ULK4: variants seen among roughly 807,000 people sequenced by gnomAD.
ULK4 encodes inactive serine/threonine-protein kinase ULK4.
A neutral mutation model predicts 160.6 loss-of-function variants in ULK4; 133 were observed. The observed-to-expected ratio is 0.83, with a 90% CI of 0.72 to 0.96. The LOEUF is 0.96. Ranked by LOEUF, ULK4 falls within the 40% of genes least tolerant of loss-of-function variation. The pLI is 0.00. For synonymous variants in ULK4, 534 were observed against 539.8 expected (o/e 0.99, Z 0.15); for missense variants, 1,580 against 1,499.5 (o/e 1.05, Z -0.89).
At chr3:41,863,847 T>C (rs1716679) in intron 17 of ULK4, among the ~76,000 whole-genome samples, 46,991 of 150,916 alleles carry the variant, frequency 0.31, 10,689 homozygotes, top group African/African-American at 0.65. Context: ...CCCCACTCTT[T>C]CCTCTTCTCT....
At chr3:41,562,925 C>T (rs937144428) in intron 32 of ULK4, among the ~76,000 whole-genome samples, 1 of 152,134 alleles carries the variant, frequency 6.6e-6, no homozygotes, top group Non-Finnish European at 1.5e-5. Context: ...GGTTATTTTG[C>T]TCGTTAATTG....
intron 32 of ULK4, among the ~76,000 whole-genome samples, chr3:41,518,621 A>G (rs1051988950): frequency 6.6e-6 from 1 of 152,204 alleles, no homozygotes; most frequent in African/African-American, 2.4e-5. Flanking sequence ...ATATGGCAGT[A>G]ATGTGCTTCA....
intron 35 of ULK4, among the ~76,000 whole-genome samples, chr3:41,266,390 G>A (rs2079033757): frequency 6.6e-6 from 1 of 152,088 alleles, no homozygotes; most frequent in Admixed American, 6.5e-5. Flanking sequence ...TGCAGACTCT[G>A]CTTACACATT....
At chr3:41,665,898 G>A (rs2035335933) in intron 29 of ULK4, among the ~76,000 whole-genome samples, 1 of 152,162 alleles carries the variant, frequency 6.6e-6, no homozygotes, top group Non-Finnish European at 1.5e-5. Flanking sequence ...TTTGCTAGAA[G>A]GACTCACAAA....
At chr3:41,955,532 A>G (rs1700453552) in intron 1 of ULK4, 1 of 152,870 alleles carries the variant, frequency 6.5e-6, no homozygotes, top group African/African-American at 2.4e-5. Flanking sequence ...AGCCACCGCC[A>G]AAGTGGGCAA....
intron 22 of ULK4, among the ~76,000 whole-genome samples, chr3:41,721,279 T>TTTTTTTTTTTG (rs67078043): frequency 2.0e-5 from 2 of 98,922 alleles, no homozygotes; most frequent in African/African-American, 8.7e-5. Flanking sequence ...TTTTTTTTTT[T>TTTTTTTTTTTG]TTTTTGGGTT....
At chr3:41,564,779 T>A (rs947203129) in intron 32 of ULK4, among the ~76,000 whole-genome samples, 2 of 152,020 alleles carry the variant, frequency 1.3e-5, no homozygotes, top group Non-Finnish European at 2.9e-5. Flanking sequence ...TTGTTTTTTA[T>A]AAATCGAGTG....
intron 32 of ULK4, among the ~76,000 whole-genome samples, chr3:41,564,420 G>A (rs746062978): frequency 6.8e-6 from 1 of 147,950 alleles, no homozygotes; most frequent in East Asian, 2.0e-4. Context: ...CTTCACAGCT[G>A]TCAGACAGGG....
chr3:41,285,783 T>C (rs1193620258), intron 35 of ULK4, among the ~76,000 whole-genome samples: 2 of 152,226 alleles, frequency 1.3e-5, no homozygotes, highest in Non-Finnish European at 2.9e-5. Flanking sequence ...CATTTCTACC[T>C]AGCTGATGAG....
intron 17 of ULK4, among the ~76,000 whole-genome samples, chr3:41,865,014 G>A (rs1163376141): frequency 1.3e-5 from 2 of 151,756 alleles, no homozygotes; most frequent in Non-Finnish European, 2.9e-5. Flanking sequence ...GCTCATGCCT[G>A]TAATCCCAGG....
At chr3:41,557,272 C>T (rs1474566148) in intron 32 of ULK4, among the ~76,000 whole-genome samples, 1 of 151,934 alleles carries the variant, frequency 6.6e-6, no homozygotes, top group Non-Finnish European at 1.5e-5. Context: ...ATCTACCCCA[C>T]TCTATTTGAA....
chr3:41,641,103 G>C (rs1017943162), intron 30 of ULK4, among the ~76,000 whole-genome samples: 1 of 152,182 alleles, frequency 6.6e-6, no homozygotes, highest in African/African-American at 2.4e-5. Flanking sequence ...TCAGACTGCA[G>C]CCACTATAAG....
chr3:41,409,822 AC>A (rs897697136), intron 34 of ULK4, among the ~76,000 whole-genome samples: 3 of 151,860 alleles, frequency 2.0e-5, no homozygotes, highest in African/African-American at 7.2e-5. Flanking sequence ...GGTGGTGCAC[AC>A]CTGTAGTCCC....
chr3:41,429,578 T>C (rs1440646246), intron 34 of ULK4, among the ~76,000 whole-genome samples: 4 of 152,198 alleles, frequency 2.6e-5, no homozygotes, highest in Admixed American at 2.0e-4. Flanking sequence ...AATGAGATCA[T>C]GTCCTTTGCA....
chr3:41,543,603 A>G (rs1021801059), intron 32 of ULK4, among the ~76,000 whole-genome samples: 3 of 152,256 alleles, frequency 2.0e-5, no homozygotes, highest in East Asian at 3.9e-4. Context: ...AATCTCTGTT[A>G]TAAGTCTCTT....
chr3:41,917,606 T>C (rs907252176), intron 7 of ULK4, among the ~76,000 whole-genome samples: 6 of 152,180 alleles, frequency 3.9e-5, no homozygotes, highest in Non-Finnish European at 7.3e-5. Flanking sequence ...TTAAAAATTA[T>C]TGCTGATAGA....
rs956442696 is a variant in ULK4, at chr3:41,763,400, G to C, written c.2194-8912C>G. On this transcript the variant is annotated intron_variant, in intron 21 of 36. Transcript: ENST00000301831. ...CTCTTTGAAAAATATGAACAAAATA[G>C]ATAACTTACTAGCTAAAATAATCAA... Among the ~76,000 whole-genome samples, 3 of 152,026 alleles carry C rather than the reference G, an allele frequency of 2.0e-5. No individual in the cohort carries two copies. The East Asian group carries it at 5.8e-4, about 29-fold the overall frequency.
chr3:41,786,056 C>A (rs766564790), intron 21 of ULK4, among the ~76,000 whole-genome samples: 9 of 152,158 alleles, frequency 5.9e-5, no homozygotes, highest in Non-Finnish European at 1.2e-4. Context: ...TCCAACCTAA[C>A]CTAGGCTAAT....
intron 27 of ULK4, among the ~76,000 whole-genome samples, chr3:41,698,995 T>C (rs190181185): frequency 1.3e-5 from 2 of 152,372 alleles, no homozygotes; most frequent in Non-Finnish European, 2.9e-5. Context: ...GGAAGAGCTT[T>C]CCATCATTTG....
Sources: gnomAD v4.1 joint callset for allele counts (sites outside exome capture counted in the v4.1 genomes callset) on GRCh38, gnomAD v4.1.1 for gene constraint, MANE v1.5 for transcripts, NCBI Gene and HGNC (gene_info 2026-07-23, HGNC 2026-07-21) for gene names.